CDC37L1: variants seen among roughly 807,000 people sequenced by gnomAD.
The protein encoded by CDC37L1 is hsp90 co-chaperone Cdc37-like 1.
CDC37L1 carries 32 observed loss-of-function variants against 45.9 expected under a neutral mutation model. The observed-to-expected ratio is 0.70, with a 90% CI of 0.53 to 0.94. The LOEUF is 0.94. Among genes scored for constraint, CDC37L1 ranks in the 40% least tolerant of loss-of-function variants. CDC37L1 has a pLI of 0.00. For missense variants in CDC37L1, 434 were observed against 405.7 expected, an observed-to-expected ratio of 1.07 and a Z score of -0.60; for synonymous variants, 150 against 133.0, an observed-to-expected ratio of 1.13 and a Z score of -0.88.
chr9:4,688,596 C>A lies in CDC37L1; in HGVS notation c.498C>A (p.Ile166=). The change falls in exon 3 of 7, where the codon ATC becomes ATA. Residue 166 remains isoleucine, a synonymous_variant. Transcript: ENST00000381854. ...ESFMQKYEQK[I]RHFGMLSRWD... ...TTATGCAAAAATATGAGCAAAAAATCAGACATTTTGGTAAGTCTACTACTT... is the reference window on the plus strand; with the variant it reads ...TTATGCAAAAATATGAGCAAAAAATAAGACATTTTGGTAAGTCTACTACTT... The A allele has an allele frequency of 6.6e-7, 1 of 1,523,342 alleles. No individual in the cohort carries two copies. The highest frequency in any genetic ancestry group is 8.9e-7 in the Non-Finnish European group (1 of 1,124,722). 94.4% of individuals were successfully genotyped at this position (1,523,342 alleles called of 1,614,324 possible). A position where few individuals can be genotyped will look rare whatever the true frequency, so the allele number is the denominator to read the frequency against.
chr9:4,699,811 C>T (rs3852397), intron 5 of CDC37L1, among the ~76,000 whole-genome samples: 5,963 of 152,020 alleles, frequency 0.039, 402 homozygotes, highest in African/African-American at 0.14. Flanking sequence ...AAACTGTGCG[C>T]ATATCTTTTA....
chr9:4,690,649 G>C (rs915058294), intron 3 of CDC37L1, among the ~76,000 whole-genome samples: 1 of 152,168 alleles, frequency 6.6e-6, no homozygotes, highest in East Asian at 1.9e-4. Context: ...TTGCTGTTAC[G>C]TGTTGTGAAC....
rs1841361566 is a variant in CDC37L1, at chr9:4,697,780, A to C, written c.648A>C (p.Ile216=). 1 of 1,532,022 alleles carries C rather than the reference A, an allele frequency of 6.5e-7. No homozygotes were observed. Among genetic ancestry groups the C allele is most frequent in the African/African-American group, 1.4e-5 (1 of 73,250 alleles). 94.9% of individuals were successfully genotyped at this position (1,532,022 alleles called of 1,614,324 possible). A position where few individuals can be genotyped will look rare whatever the true frequency, so the allele number is the denominator to read the frequency against. The change falls in exon 5 of 7, where the codon ATA becomes ATC. Residue 216 remains isoleucine, a synonymous_variant. Transcript: ENST00000381854. ...AGAAAGGGGCTTTAATGGAACAAATAGCACATCAAGCTGTTGTAATGCAGT... is the reference window on the plus strand; with the variant it reads ...AGAAAGGGGCTTTAATGGAACAAATCGCACATCAAGCTGTTGTAATGCAGT... The part of the protein sequence containing the change: ...AEKKGALMEQ[I]AHQAVVMQFI...
At chr9:4,686,322 T>C (rs1049234323) in intron 2 of CDC37L1, among the ~76,000 whole-genome samples, 1 of 152,198 alleles carries the variant, frequency 6.6e-6, no homozygotes, top group Non-Finnish European at 1.5e-5. Context: ...ACTTTAACAG[T>C]GAGTCATATC....
intron 3 of CDC37L1, among the ~76,000 whole-genome samples, chr9:4,693,714 C>G (rs1433173399): frequency 6.6e-6 from 1 of 152,168 alleles, no homozygotes; most frequent in African/African-American, 2.4e-5. Flanking sequence ...ACTGTATTAT[C>G]CTTAACCAAA....
chr9:4,705,552 C>G (rs1339204729), intron 6 of CDC37L1, among the ~76,000 whole-genome samples: 8 of 151,998 alleles, frequency 5.3e-5, no homozygotes, highest in African/African-American at 1.9e-4. Flanking sequence ...CACAATAGAC[C>G]CTGAAGATAT....
At chr9:4,688,993 C>T (rs1841276654) in intron 3 of CDC37L1, among the ~76,000 whole-genome samples, 1 of 151,708 alleles carries the variant, frequency 6.6e-6, no homozygotes, top group Non-Finnish European at 1.5e-5. Flanking sequence ...GGATATGATG[C>T]TTTATAATTC....
intron 5 of CDC37L1, among the ~76,000 whole-genome samples, chr9:4,700,932 A>G (rs1181269815): frequency 1.3e-5 from 2 of 152,248 alleles, no homozygotes; most frequent in African/African-American, 2.4e-5. Context: ...AAGAATCCTT[A>G]TGGATATTAC....
chr9:4,679,832 AAG>A lies in CDC37L1; in HGVS notation c.70_71del (p.Ser24Ter). On this transcript the variant is annotated frameshift_variant, in exon 1 of 7. Coordinates refer to ENST00000381854, the MANE Select transcript of CDC37L1 (RefSeq NM_017913.4). LOFTEE classifies it high-confidence loss of function. ...CCTCGGGCCGAGGGTGAGGCTGAGG[AAG>A]AGAGTGACTTCGACGTGTTCCCCAG... is the stretch of plus-strand genomic sequence containing the variant. The A allele has an allele frequency of 6.2e-7, 1 of 1,613,916 alleles. No individual in the cohort carries two copies. Among genetic ancestry groups the A allele is most frequent in the Non-Finnish European group, 8.5e-7 (1 of 1,179,928 alleles).
At chr9:4,693,596 G>A (rs1000098804) in intron 3 of CDC37L1, among the ~76,000 whole-genome samples, 1 of 152,172 alleles carries the variant, frequency 6.6e-6, no homozygotes, top group South Asian at 2.1e-4. Flanking sequence ...TTGAGATTTA[G>A]ACGTTCACTA....
At chr9:4,683,875 A>G (rs1025243988) in intron 1 of CDC37L1, among the ~76,000 whole-genome samples, 1 of 152,226 alleles carries the variant, frequency 6.6e-6, no homozygotes, top group African/African-American at 2.4e-5. Flanking sequence ...GCCAAGGAAT[A>G]TAGGGTATTG....
intron 3 of CDC37L1, among the ~76,000 whole-genome samples, chr9:4,689,428 G>T (rs116896803): frequency 4.9e-3 from 739 of 150,944 alleles, no homozygotes; most frequent in Non-Finnish European, 8.3e-3. Flanking sequence ...TCTTTTTCCT[G>T]TTGGTGTTTA....
chr9:4,682,683 A>G (rs1563766576), intron 1 of CDC37L1, among the ~76,000 whole-genome samples: 1 of 150,922 alleles, frequency 6.6e-6, no homozygotes, highest in East Asian at 2.0e-4. Context: ...ATGTTGGCCA[A>G]GCTGGTTTCG....
In CDC37L1 at chr9:4,707,897, A is replaced by G. The variant is rs545887990; in HGVS notation, c.*1785A>G. 6.6e-6 allele frequency: 1 copy of G among 152,178 alleles called. No homozygotes were observed. Among genetic ancestry groups the G allele is most frequent in the South Asian group, 2.1e-4 (1 of 4,834 alleles). 9.4% of individuals were successfully genotyped at this position (152,178 alleles called of 1,614,324 possible). ...CCTGTAAGCATTCAAATTGTTTTGA[A>G]TTTCATTTTGCCTTCTCTAAGTTAG... On this transcript the variant is annotated 3_prime_UTR_variant, in exon 7 of 7. Transcript: ENST00000381854.
At chr9:4,683,944 C>T (rs1326831729) in intron 1 of CDC37L1, among the ~76,000 whole-genome samples, 1 of 152,180 alleles carries the variant, frequency 6.6e-6, no homozygotes, top group Admixed American at 6.5e-5. Context: ...ATTACTACTG[C>T]TTCGGAGTAG....
intron 1 of CDC37L1, among the ~76,000 whole-genome samples, chr9:4,684,248 C>T (rs1166760913): frequency 2.0e-5 from 3 of 152,168 alleles, no homozygotes; most frequent in African/African-American, 7.2e-5. Context: ...CGCACCTTTG[C>T]ACTCTAGCCT....
At chr9:4,702,695 C>T (rs1359728506) in intron 6 of CDC37L1, among the ~76,000 whole-genome samples, 1 of 150,902 alleles carries the variant, frequency 6.6e-6, no homozygotes, top group African/African-American at 2.4e-5. Flanking sequence ...TCCTGGCTAA[C>T]AAGGTGAAAC....
At chr9:4,683,725 T>G (rs957422499) in intron 1 of CDC37L1, among the ~76,000 whole-genome samples, 4 of 152,310 alleles carry the variant, frequency 2.6e-5, no homozygotes, top group Admixed American at 2.0e-4. Flanking sequence ...AGTCTGCATT[T>G]GTATAATTCA....
intron 1 of CDC37L1, 135 bp downstream of exon 1, chr9:4,680,034 C>T: frequency 8.7e-7 from 1 of 1,151,980 alleles, no homozygotes. Context: ...GACCTGGGAC[C>T]TGACGCCTGA....
Sources: gnomAD v4.1 joint callset for allele counts (sites outside exome capture counted in the v4.1 genomes callset) on GRCh38, gnomAD v4.1.1 for gene constraint, MANE v1.5 for transcripts, NCBI Gene and HGNC (gene_info 2026-07-23, HGNC 2026-07-21) for gene names.